PDGFC: variants seen among roughly 807,000 people sequenced by gnomAD.
PDGFC encodes the protein platelet-derived growth factor C.
PDGFC carries 12 observed loss-of-function variants against 35.5 expected under a neutral mutation model. The ratio of observed to expected loss-of-function variants is 0.34; its 90% CI spans 0.22 to 0.55. The LOEUF (loss-of-function observed/expected upper bound fraction) is 0.55, where lower values mean the gene tolerates loss of function less well. Among genes scored for constraint, PDGFC ranks in the 20% least tolerant of loss-of-function variants. The probability of loss-of-function intolerance (pLI) is 0.91; values close to 1 mark genes in which losing one functional copy is unlikely to be tolerated. For missense variants in PDGFC, 322 were observed against 412.4 expected (o/e 0.78, Z 1.90); for synonymous variants, 159 against 148.8 (o/e 1.07, Z -0.50).
chr4:156,898,639 A>T (rs928558033), intron 1 of PDGFC, among the ~76,000 whole-genome samples: 447 of 150,636 alleles, frequency 3.0e-3, no homozygotes, highest in Non-Finnish European at 5.5e-3. Flanking sequence ...AGAAGCTTCC[A>T]TTTTTTTTTC....
rs535677698 is a variant in PDGFC, at chr4:156,780,866, C to G, written c.496-7973G>C. 3.9e-5 allele frequency among the ~76,000 whole-genome samples: 6 copies of G among 152,206 alleles called. No individual in the cohort carries two copies. The East Asian group carries it at 9.7e-4, about 25-fold the overall frequency. On this transcript the variant is annotated intron_variant, in intron 3 of 5. Transcript: ENST00000502773. ...TGTTTTTTCAGTCTTACTAACTGAC[C>G]AATCAGTGTGTGAAAGTGGCTTTTC...
At chr4:156,824,327 T>TATATACACATATACACATACAC (rs1491500876) in intron 2 of PDGFC, among the ~76,000 whole-genome samples, 3 of 102,834 alleles carry the variant, frequency 2.9e-5, no homozygotes, top group African/African-American at 1.4e-4. Context: ...TATATATATA[T>TATATACACATATACACATACAC]ACACACACAC....
chr4:156,818,833 G>A (rs1156259422), intron 2 of PDGFC, among the ~76,000 whole-genome samples: 1 of 152,176 alleles, frequency 6.6e-6, no homozygotes, highest in African/African-American at 2.4e-5. Flanking sequence ...TAAAGTGAGA[G>A]ACAGTGACTC....
At chr4:156,780,970 CCTT>C (rs1435769854) in intron 3 of PDGFC, among the ~76,000 whole-genome samples, 1 of 152,140 alleles carries the variant, frequency 6.6e-6, no homozygotes, top group East Asian at 1.9e-4. Context: ...CTCCTTATCA[CCTT>C]CTTTTTACAT....
intron 5 of PDGFC, among the ~76,000 whole-genome samples, chr4:156,766,905 C>T (rs1263606794): frequency 6.6e-6 from 1 of 152,032 alleles, no homozygotes; most frequent in Non-Finnish European, 1.5e-5. Flanking sequence ...AATCTTGATG[C>T]ATATGAAAAA....
intron 3 of PDGFC, among the ~76,000 whole-genome samples, chr4:156,790,452 A>G (rs1421233050): frequency 6.6e-6 from 1 of 152,244 alleles, no homozygotes; most frequent in Non-Finnish European, 1.5e-5. Flanking sequence ...CCATGGTCAC[A>G]AAGTCATTTT....
At chr4:156,966,704 G>C (rs1732474546) in intron 1 of PDGFC, among the ~76,000 whole-genome samples, 1 of 152,116 alleles carries the variant, frequency 6.6e-6, no homozygotes, top group African/African-American at 2.4e-5. Context: ...CAGAACTAGA[G>C]GTCGTAGAAG....
Position 156,885,766 on chromosome 4 carries a change from C to T in PDGFC, c.119-35350G>A, listed in dbSNP as rs78990406. Among the ~76,000 whole-genome samples the T allele has an allele frequency of 7.7e-3, 1,179 of 152,134 alleles. 8 individuals carry two copies. The highest frequency in any genetic ancestry group is 0.027 in the African/African-American group (1,107 of 41,506). ...AATTAGCCAGGCATGGTGTTATGTG[C>T]CTGTATTACTTAGGAGGCTGAGGTG... On this transcript the variant is annotated intron_variant, in intron 1 of 5. Coordinates refer to ENST00000502773, the MANE Select transcript of PDGFC (RefSeq NM_016205.3).
At chr4:156,824,834 A>G (rs1386085079) in intron 2 of PDGFC, among the ~76,000 whole-genome samples, 2 of 152,150 alleles carry the variant, frequency 1.3e-5, no homozygotes, top group Non-Finnish European at 1.5e-5. Flanking sequence ...TCCATGAGAG[A>G]CTTTCTTGTA....
chr4:156,792,760 A>G lies in PDGFC; in HGVS notation c.495+18077T>C, dbSNP rs962557730. ...TAATCTGCATTTCCAATTATAATGC[A>G]GAGAACAAATTTCACACACCTGCAT... is the stretch of plus-strand genomic sequence containing the variant. On this transcript the variant is annotated intron_variant, in intron 3 of 5. Transcript: ENST00000502773. Among the ~76,000 whole-genome samples the G allele has an allele frequency of 1.2e-4, 19 of 152,206 alleles. 1 individual carries two copies. Among genetic ancestry groups the G allele is most frequent in the Middle Eastern group, 3.2e-3 (1 of 316 alleles).
chr4:156,848,951 C>A (rs1337456926), intron 2 of PDGFC, among the ~76,000 whole-genome samples: 1 of 151,770 alleles, frequency 6.6e-6, no homozygotes, highest in East Asian at 1.9e-4. Context: ...TGTCTCTGAC[C>A]CAGAAGTCTC....
intron 1 of PDGFC, among the ~76,000 whole-genome samples, chr4:156,909,052 A>T (rs1420540570): frequency 6.6e-6 from 1 of 152,182 alleles, no homozygotes; most frequent in Non-Finnish European, 1.5e-5. Context: ...GTAAATCAGT[A>T]TTTGCTTAGA....
intron 1 of PDGFC, among the ~76,000 whole-genome samples, chr4:156,863,849 T>C (rs969703468): frequency 6.6e-6 from 1 of 152,152 alleles, no homozygotes; most frequent in African/African-American, 2.4e-5. Context: ...GAATCTTCAT[T>C]AAAGTACACA....
At chr4:156,785,924 C>G (rs565497684) in intron 3 of PDGFC, among the ~76,000 whole-genome samples, 13 of 152,228 alleles carry the variant, frequency 8.5e-5, no homozygotes, top group Non-Finnish European at 1.6e-4. Context: ...TTGCCTTGTT[C>G]TTTACCCTGC....
At chr4:156,935,376 ACAGT>A (rs540252596) in intron 1 of PDGFC, among the ~76,000 whole-genome samples, 156 of 152,362 alleles carry the variant, frequency 1.0e-3, no homozygotes, top group Admixed American at 5.3e-3. Flanking sequence ...AATCAGTAAC[ACAGT>A]CATTCATTAT....
chr4:156,794,445 C>G (rs1482434971), intron 3 of PDGFC, among the ~76,000 whole-genome samples: 1 of 150,580 alleles, frequency 6.6e-6, no homozygotes, highest in Non-Finnish European at 1.5e-5. Context: ...TAACACAAAC[C>G]AAGAAGTAGC....
Position 156,948,474 on chromosome 4 carries a change from T to A in PDGFC, c.118+22312A>T, listed in dbSNP as rs201507295. Among the ~76,000 whole-genome samples the A allele has an allele frequency of 5.9e-5, 9 of 152,074 alleles. No individual in the cohort carries two copies. In the East Asian group the frequency reaches 1.8e-3, roughly 30 times the overall value. On this transcript the variant is annotated intron_variant, in intron 1 of 5. Coordinates refer to ENST00000502773, the MANE Select transcript of PDGFC (RefSeq NM_016205.3). ...AAGCCTGAAGGGCCACCTTTAAGAA[T>A]GCCACCTCCTAGGCTTCTAAAAAAA...
intron 3 of PDGFC, among the ~76,000 whole-genome samples, chr4:156,797,167 G>A (rs758968847): frequency 1.3e-5 from 2 of 151,780 alleles, no homozygotes; most frequent in Non-Finnish European, 2.9e-5. Context: ...GAACCTGGGA[G>A]GCAGAGCTTA....
chr4:156,874,205 G>C (rs1730054076), intron 1 of PDGFC, among the ~76,000 whole-genome samples: 1 of 152,190 alleles, frequency 6.6e-6, no homozygotes, highest in Admixed American at 6.5e-5. Context: ...AAATGTCACA[G>C]ATGATAACAT....
Sources: allele counts gnomAD v4.1 joint callset (sites outside exome capture counted in the v4.1 genomes callset), GRCh38; gene constraint gnomAD v4.1.1; transcripts MANE v1.5; gene names NCBI Gene and HGNC (gene_info 2026-07-23, HGNC 2026-07-21).